PIEZO2: variants seen among roughly 807,000 people sequenced by gnomAD.
PIEZO2 encodes piezo type mechanosensitive ion channel component 2.
Under a neutral mutation model 337.3 loss-of-function variants are expected in PIEZO2, and 172 were observed. The observed-to-expected ratio is 0.51, with a 90% confidence interval of 0.45 to 0.58. The LOEUF is 0.58. Ranked by LOEUF, PIEZO2 falls within the 20% of genes least tolerant of loss-of-function variation. The probability of loss-of-function intolerance (pLI) is 0.00; values close to 1 mark genes in which losing one functional copy is unlikely to be tolerated. For synonymous variants in PIEZO2, 1,251 were observed against 1,228.5 expected (o/e 1.02, Z -0.38); for missense variants, 3,028 against 3,391.3 (o/e 0.89, Z 2.66).
At chr18:10,990,629 T>C (rs954771714) in intron 2 of PIEZO2, among the ~76,000 whole-genome samples, 1 of 151,868 alleles carries the variant, frequency 6.6e-6, no homozygotes, top group Non-Finnish European at 1.5e-5. Context: ...TATATGTTTA[T>C]AAATGTTACA....
At position 10,942,080 on chromosome 18, in the gene PIEZO2, T is replaced by C. The variant is rs1329023893; in HGVS notation, c.287-30852A>G. Among the ~76,000 whole-genome samples the C allele has an allele frequency of 6.6e-6, 1 of 152,230 alleles. No individual in the cohort carries two copies. The highest frequency in any genetic ancestry group is 1.5e-5 in the Non-Finnish European group (1 of 68,052). ...TGCTTTCGGCCACGATCGTGAGGCC[T>C]CTCCAGCCATGTGGAACTGTAAGTC... On this transcript the variant is annotated intron_variant, in intron 3 of 55. Transcript: ENST00000674853. This position sits in a 1 kb window ranked among gnomAD's most constrained non-coding sequence, Gnocchi z 4.4.
intron 42 of PIEZO2, 74 bp downstream of exon 42, chr18:10,704,320 C>T: frequency 1.3e-6 from 2 of 1,497,400 alleles, no homozygotes; most frequent in East Asian, 2.5e-5. Flanking sequence ...CAAGAGAGGG[C>T]ACAGGGACAC....
At chr18:10,960,736 T>C (rs2145374232) in intron 3 of PIEZO2, among the ~76,000 whole-genome samples, 1 of 152,332 alleles carries the variant, frequency 6.6e-6, no homozygotes, top group African/African-American at 2.4e-5. Context: ...GAGCGTTGGC[T>C]AAACCTCCTG....
At chr18:10,885,631 G>A (rs916265450) in intron 4 of PIEZO2, among the ~76,000 whole-genome samples, 5 of 152,114 alleles carry the variant, frequency 3.3e-5, no homozygotes, top group African/African-American at 4.8e-5. Context: ...AAGGTACCAC[G>A]GTCAGGGTCA....
rs777473414 is a variant in PIEZO2 at position 10,672,802 on chromosome 18, C to T, written c.8233G>A (p.Val2745Ile). The change falls in exon 55 of 56, where the codon GTT (valine) becomes ATT (isoleucine). Residue 2745 changes from valine (V) to isoleucine (I), a missense_variant. Val to Ile is a conservative substitution (Grantham distance 29, BLOSUM62 3). Around this residue, in one of 5 missense-constraint regions of PIEZO2, gnomAD observed 332 missense variants for 363.8 expected, o/e 0.91. Transcript: ENST00000674853. This position sits in a 1 kb window ranked among gnomAD's most constrained non-coding sequence, Gnocchi z 4.7. Reference protein sequence around the residue: ...NTTKYNSEWWVLNLTGNRIYN... With the variant: ...NTTKYNSEWWILNLTGNRIYN... ...ATTCTGTTTCCAGTCAGGTTGAGAA[C>T]CCACCACTCACTGTTATATTTAGTT... 3 of 1,613,210 alleles carry T rather than the reference C, an allele frequency of 1.9e-6. No homozygotes were observed. Among genetic ancestry groups the T allele is most frequent in the African/African-American group, 1.3e-5 (1 of 74,886 alleles).
At chr18:10,880,843 T>C (rs2042390837) in intron 4 of PIEZO2, among the ~76,000 whole-genome samples, 1 of 99,592 alleles carries the variant, frequency 1.0e-5, no homozygotes, top group African/African-American at 4.3e-5. Flanking sequence ...GCTTCCCACA[T>C]ATCATATATA....
At chr18:11,086,113 G>A (rs1474650711) in intron 1 of PIEZO2, among the ~76,000 whole-genome samples, 1 of 152,130 alleles carries the variant, frequency 6.6e-6, no homozygotes, top group African/African-American at 2.4e-5. Context: ...TTTAGAAACT[G>A]ATATATCAGC....
chr18:11,027,000 C>T (rs1434397556), intron 2 of PIEZO2, among the ~76,000 whole-genome samples: 1 of 152,206 alleles, frequency 6.6e-6, no homozygotes, highest in Non-Finnish European at 1.5e-5. Context: ...CTGCACAGCA[C>T]TTATGTGTAT....
In PIEZO2 at chr18:10,770,347, T is replaced by A. The variant is rs77049018; in HGVS notation, c.2786-39A>T. 8,997 of 1,487,996 alleles carry A rather than the reference T, an allele frequency of 6.0e-3. 422 individuals are homozygous for A. In the African/African-American group the frequency reaches 0.1, roughly 17 times the overall value. The allele number at this position is 1,487,996 out of a possible 1,614,324, so 92.2% of individuals were successfully genotyped here. ...AGTACAGACAAGAGCATAACATTTT[T>A]AAAAATATTATCATTTAAAGCATAT... On this transcript the variant is annotated intron_variant, in intron 20 of 55. Transcript: ENST00000674853.
At chr18:10,685,027 T>C (rs2034489037) in intron 49 of PIEZO2, among the ~76,000 whole-genome samples, 1 of 152,118 alleles carries the variant, frequency 6.6e-6, no homozygotes, top group African/African-American at 2.4e-5. Context: ...CTTCCTGAAA[T>C]GTTCTGGAAA....
rs570205492 is a variant in PIEZO2 at position 10,944,891 on chromosome 18, A to C, written c.287-33663T>G. On this transcript the variant is annotated intron_variant, in intron 3 of 55. Transcript: ENST00000674853. Reference sequence around the variant, plus strand: ...AGACAGTGGTTCCTAAGGGGGGAGAAAAAGAAGCAAAGCTAACTGTTGCTA... The same window carrying C: ...AGACAGTGGTTCCTAAGGGGGGAGACAAAGAAGCAAAGCTAACTGTTGCTA... Among the ~76,000 whole-genome samples, 8 of 152,218 alleles carry C rather than the reference A, an allele frequency of 5.3e-5. No individual in the cohort carries two copies. In the East Asian group the frequency reaches 1.2e-3, roughly 22 times the overall value.
chr18:10,993,352 T>C lies in PIEZO2; in HGVS notation c.161-13692A>G, dbSNP rs1040744764. 1.3e-5 allele frequency among the ~76,000 whole-genome samples: 2 copies of C among 152,238 alleles called. No individual in the cohort carries two copies. The highest frequency in any genetic ancestry group is 3.8e-4 in the East Asian group (2 of 5,198). Reference sequence around the variant, plus strand: ...TATGATATTGCCTGTGGGCCTATCATAAACAGCTCTTATTATTTTGAGATG... The same window carrying C: ...TATGATATTGCCTGTGGGCCTATCACAAACAGCTCTTATTATTTTGAGATG... On this transcript the variant is annotated intron_variant, in intron 2 of 55. Transcript: ENST00000674853. The surrounding 1 kb of genome is among the most constrained non-coding windows in gnomAD (Gnocchi z 5.0).
At chr18:11,060,755 G>A (rs1312735166) in intron 2 of PIEZO2, among the ~76,000 whole-genome samples, 1 of 152,170 alleles carries the variant, frequency 6.6e-6, no homozygotes, top group African/African-American at 2.4e-5. Flanking sequence ...TGAAATTGAG[G>A]CAATAATTAA....
chr18:11,014,536 G>A (rs115717173), intron 2 of PIEZO2, among the ~76,000 whole-genome samples: 1,770 of 127,974 alleles, frequency 0.014, 46 homozygotes, highest in African/African-American at 0.051. Context: ...GTGGGACAGC[G>A]ATCCAGAGCC....
intron 7 of PIEZO2, among the ~76,000 whole-genome samples, chr18:10,849,194 T>C (rs1193734256): frequency 3.9e-5 from 6 of 152,172 alleles, no homozygotes; most frequent in African/African-American, 1.2e-4. Context: ...GTATTTTCAG[T>C]GGAGACGGGG....
intron 2 of PIEZO2, among the ~76,000 whole-genome samples, chr18:11,034,293 T>C (rs2036845219): frequency 6.6e-6 from 1 of 151,834 alleles, no homozygotes; most frequent in Non-Finnish European, 1.5e-5. Context: ...TCATTTCTTT[T>C]CTTTTCTTTT....
intron 4 of PIEZO2, among the ~76,000 whole-genome samples, chr18:10,905,581 C>CA (rs11318022): frequency 6.5e-4 from 83 of 127,932 alleles, no homozygotes; most frequent in African/African-American, 1.6e-3. Context: ...GAAACTGTTT[C>CA]AAAAAAAAAA....
intron 1 of PIEZO2, among the ~76,000 whole-genome samples, chr18:11,114,101 TAA>T (rs769275334): frequency 1.3e-5 from 2 of 152,360 alleles, no homozygotes. Context: ...CCTCTTATAA[TAA>T]GTCATTACAC....
At chr18:11,018,391 G>A (rs1430365806) in intron 2 of PIEZO2, among the ~76,000 whole-genome samples, 1 of 118,938 alleles carries the variant, frequency 8.4e-6, no homozygotes, top group Non-Finnish European at 1.8e-5. Flanking sequence ...TCGTGTGTGT[G>A]TGTGTGTGTG....
Sources: allele counts gnomAD v4.1 joint callset (sites outside exome capture counted in the v4.1 genomes callset), GRCh38; gene constraint gnomAD v4.1.1; regional missense constraint gnomAD v4.1.1; non-coding constraint Gnocchi (gnomAD v3.1); transcripts MANE v1.5; gene names NCBI Gene and HGNC (gene_info 2026-07-23, HGNC 2026-07-21).